PCMTD2: variants seen among roughly 807,000 people sequenced by gnomAD.
The protein encoded by PCMTD2 is protein-L-isoaspartate O-methyltransferase domain-containing protein 2.
PCMTD2 carries 16 observed loss-of-function variants against 33.4 expected under a neutral mutation model. The ratio of observed to expected loss-of-function variants is 0.48; its 90% CI spans 0.32 to 0.73. The LOEUF (loss-of-function observed/expected upper bound fraction) is 0.73. Among genes scored for constraint, PCMTD2 ranks in the 30% least tolerant of loss-of-function variants. The pLI, the probability that PCMTD2 is intolerant of heterozygous loss-of-function variation, is 0.03. For synonymous variants in PCMTD2, 161 were observed against 160.8 expected (o/e 1.00, Z -0.01); for missense variants, 374 against 449.9 (o/e 0.83, Z 1.53).
At chr20:64,256,068 C>G (rs1363949467) in intron 1 of PCMTD2, 198 bp downstream of exon 1, 1 of 152,506 alleles carries the variant, frequency 6.6e-6, no homozygotes, top group Non-Finnish European at 1.5e-5. Context: ...GCGTTTCTCT[C>G]TCCGAGCGCT....
At chr20:64,266,213 C>T (rs1985649545) in intron 4 of PCMTD2, among the ~76,000 whole-genome samples, 1 of 152,034 alleles carries the variant, frequency 6.6e-6, no homozygotes, top group Non-Finnish European at 1.5e-5. Context: ...GCACTATAGG[C>T]ACGTGCTGCC....
intron 2 of PCMTD2, among the ~76,000 whole-genome samples, chr20:64,263,592 T>C (rs1985523988): frequency 6.6e-6 from 1 of 152,200 alleles, no homozygotes; most frequent in African/African-American, 2.4e-5. Flanking sequence ...CCATAGTAAA[T>C]GAACAAGTGT....
At chr20:64,258,017 T>C (rs1985241650) in intron 1 of PCMTD2, among the ~76,000 whole-genome samples, 1 of 152,142 alleles carries the variant, frequency 6.6e-6, no homozygotes. Flanking sequence ...AAATAAGTGA[T>C]AGTTACTTAG....
chr20:64,266,333 G>C (rs1334701888), intron 4 of PCMTD2, among the ~76,000 whole-genome samples: 5 of 152,072 alleles, frequency 3.3e-5, no homozygotes, highest in Non-Finnish European at 4.4e-5. Context: ...TCTCAGCTTA[G>C]TGCAACCTCT....
At position 64,273,819 on chromosome 20, in the gene PCMTD2, T is replaced by C. The variant is rs775281109; in HGVS notation, c.*219T>C. ...ATAGTTCCACAAGACCTTCATTGCATAGAAGATTGTTTTCCCAAAGTGGAG... is the reference window on the plus strand; with the variant it reads ...ATAGTTCCACAAGACCTTCATTGCACAGAAGATTGTTTTCCCAAAGTGGAG... On this transcript the variant is annotated 3_prime_UTR_variant, in exon 6 of 6. Coordinates refer to ENST00000308824, the MANE Select transcript of PCMTD2 (RefSeq NM_018257.3). 104 of 413,388 alleles carry C rather than the reference T, an allele frequency of 2.5e-4. No individual in the cohort carries two copies. Among genetic ancestry groups the C allele is most frequent in the Non-Finnish European group, 7.7e-5 (18 of 234,546 alleles). 25.6% of individuals were successfully genotyped at this position (413,388 alleles called of 1,614,324 possible).
At position 64,273,336 on chromosome 20, in the gene PCMTD2, C is replaced by T; in HGVS notation, c.822C>T (p.Thr274=). Residue 274 remains threonine (T), a synonymous_variant, in exon 6 of 6, where the codon ACC becomes ACT. Coordinates refer to ENST00000308824, the MANE Select transcript of PCMTD2 (RefSeq NM_018257.3). ...VSKNGNGLKN[T]PRFKRRRVRR... is the part of the protein sequence containing the mutation. ...AAAACGGAAACGGACTAAAGAACAC[C>T]CCCAGGTTTAAACGAAGGAGAGTTC... 3 of 1,614,056 alleles carry T rather than the reference C, an allele frequency of 1.9e-6. No homozygotes were observed. The highest frequency in any genetic ancestry group is 1.7e-6 in the Non-Finnish European group (2 of 1,179,974).
chr20:64,273,365 G>A lies in PCMTD2; in HGVS notation c.851G>A (p.Arg284His), dbSNP rs756862687. 42 of 1,614,022 alleles carry A rather than the reference G, an allele frequency of 2.6e-5. No homozygotes were observed. In the East Asian group the frequency reaches 6.7e-4, roughly 26 times the overall value. ...AGGTTTAAACGAAGGAGAGTTCGCC[G>A]CCGTCGAATGGAAACGATTGTCTTT... ...TPRFKRRRVRRRRMETIVFLD... is the reference protein window; with the variant it reads ...TPRFKRRRVRHRRMETIVFLD... The change falls in exon 6 of 6, where the codon CGC becomes CAC. Residue 284 changes from arginine to histidine, a missense_variant. Coordinates refer to ENST00000308824, the MANE Select transcript of PCMTD2 (RefSeq NM_018257.3).
intron 1 of PCMTD2, among the ~76,000 whole-genome samples, chr20:64,258,587 G>A (rs1015968404): frequency 2.6e-5 from 4 of 152,140 alleles, no homozygotes; most frequent in Non-Finnish European, 4.4e-5. Context: ...ACCTCCCACC[G>A]CTGTCTCCAG....
At chr20:64,266,888 T>C (rs928905033) in intron 4 of PCMTD2, among the ~76,000 whole-genome samples, 3 of 152,360 alleles carry the variant, frequency 2.0e-5, no homozygotes, top group Non-Finnish European at 2.9e-5. Context: ...TTATTGATTC[T>C]ATTGAAATAC....
intron 5 of PCMTD2, among the ~76,000 whole-genome samples, chr20:64,270,367 C>T (rs910755374): frequency 2.3e-5 from 3 of 129,242 alleles, no homozygotes; most frequent in African/African-American, 9.0e-5. Flanking sequence ...TGAGTTCAGG[C>T]ATGCAGGGTG....
At chr20:64,269,405 A>G (rs955494973) in intron 5 of PCMTD2, among the ~76,000 whole-genome samples, 3 of 152,200 alleles carry the variant, frequency 2.0e-5, no homozygotes, top group African/African-American at 4.8e-5. Context: ...ATGAAGAATC[A>G]TGACAATGTG....
chr20:64,255,785 C>T lies in PCMTD2; in HGVS notation c.-110C>T. 1 of 170,674 alleles carries T rather than the reference C, an allele frequency of 5.9e-6. No individual in the cohort carries two copies. Among genetic ancestry groups the T allele is most frequent in the South Asian group, 1.5e-4 (1 of 6,812 alleles). The allele number at this position is 170,674 out of a possible 1,614,324, so 10.6% of individuals were successfully genotyped here. A position where few individuals can be genotyped will look rare whatever the true frequency, so the allele number is the denominator to read the frequency against. ...CGGCCGAGGTTGGAGCGGCGCTGCT[C>T]GGCCGCGGACACACGAGGGACGCGC... On this transcript the variant is annotated 5_prime_UTR_variant, in exon 1 of 6. Coordinates refer to ENST00000308824, the MANE Select transcript of PCMTD2 (RefSeq NM_018257.3).
chr20:64,268,314 C>T (rs1321743565), intron 5 of PCMTD2, among the ~76,000 whole-genome samples: 1 of 152,220 alleles, frequency 6.6e-6, no homozygotes, highest in Middle Eastern at 3.2e-3. Flanking sequence ...GCCTATTTGC[C>T]GCCTCCACTG....
chr20:64,259,615 C>T (rs1415342886), intron 1 of PCMTD2, among the ~76,000 whole-genome samples: 3 of 152,048 alleles, frequency 2.0e-5, no homozygotes, highest in Non-Finnish European at 2.9e-5. Flanking sequence ...TTCTTGAACT[C>T]CTGACCTCAG....
intron 1 of PCMTD2, among the ~76,000 whole-genome samples, chr20:64,258,353 C>G (rs574467864): frequency 5.9e-5 from 9 of 152,258 alleles, no homozygotes; most frequent in Middle Eastern, 6.8e-3. Context: ...GGACCGTAAT[C>G]TAACAAGGGC....
At position 64,264,461 on chromosome 20, in the gene PCMTD2, C is replaced by G. The variant is rs1458267767; in HGVS notation, c.340C>G (p.His114Asp). The change falls in exon 3 of 6, where the codon CAC (histidine) becomes GAC (aspartate). Residue 114 changes from histidine to aspartate, a missense_variant. Physicochemically the swap from His to Asp is moderately conservative, Grantham distance 81. Transcript: ENST00000308824. The stretch of plus-strand genomic sequence containing the variant: ...TGGTGTGAACCATGGGGTGGAACTT[C>G]ACTCAGATGTGATAGAGTATGCAAA... The part of the protein sequence containing the change: ...PFGVNHGVEL[H>D]SDVIEYAKQK... The G allele has an allele frequency of 1.9e-6, 3 of 1,603,292 alleles. No homozygotes were observed. Among genetic ancestry groups the G allele is most frequent in the Non-Finnish European group, 2.6e-6 (3 of 1,170,208 alleles).
In PCMTD2 at chr20:64,273,352, A is replaced by G; in HGVS notation, c.838A>G (p.Arg280Gly). The change falls in exon 6 of 6, where the codon AGG (arginine) becomes GGG (glycine). Residue 280 changes from arginine to glycine, a missense_variant. By Grantham distance (125) the Arg-to-Gly change is moderately radical. Coordinates refer to ENST00000308824, the MANE Select transcript of PCMTD2 (RefSeq NM_018257.3). Reference sequence around the variant, plus strand: ...AAAGAACACCCCCAGGTTTAAACGAAGGAGAGTTCGCCGCCGTCGAATGGA... The same window carrying G: ...AAAGAACACCCCCAGGTTTAAACGAGGGAGAGTTCGCCGCCGTCGAATGGA... ...GLKNTPRFKR[R>G]RVRRRRMETI... 6.2e-7 allele frequency: 1 copy of G among 1,614,222 alleles called. No homozygotes were observed. The highest frequency in any genetic ancestry group is 8.5e-7 in the Non-Finnish European group (1 of 1,180,038).
chr20:64,269,821 G>A (rs1371571697), intron 5 of PCMTD2, among the ~76,000 whole-genome samples: 5 of 146,092 alleles, frequency 3.4e-5, no homozygotes, highest in African/African-American at 7.8e-5. Flanking sequence ...TGTGAATGTG[G>A]GCACGCGTGG....
Position 64,273,325 on chromosome 20 carries a change from C to G in PCMTD2, c.811C>G (p.Leu271Val). ...AACTGTGAGCAAAAACGGAAACGGA[C>G]TAAAGAACACCCCCAGGTTTAAACG... is the stretch of plus-strand genomic sequence containing the variant. Reference protein sequence around the residue: ...QETVSKNGNGLKNTPRFKRRR... With the variant: ...QETVSKNGNGVKNTPRFKRRR... Residue 271 changes from leucine to valine, a missense_variant, in exon 6 of 6, where the codon CTA becomes GTA. Coordinates refer to ENST00000308824, the MANE Select transcript of PCMTD2 (RefSeq NM_018257.3). 1 of 1,614,168 alleles carries G rather than the reference C, an allele frequency of 6.2e-7. No individual in the cohort carries two copies. The highest frequency in any genetic ancestry group is 2.2e-5 in the East Asian group (1 of 44,890).
Sources: allele counts gnomAD v4.1 joint callset (sites outside exome capture counted in the v4.1 genomes callset), GRCh38; gene constraint gnomAD v4.1.1; transcripts MANE v1.5; gene names NCBI Gene and HGNC (gene_info 2026-07-23, HGNC 2026-07-21).